Variants in VIPR1 observed in about 807,000 individuals in gnomAD.
VIPR1 encodes the protein vasoactive intestinal peptide receptor 1, also known as vasoactive intestinal polypeptide receptor 1.
VIPR1 carries 59 observed loss-of-function variants against 58.8 expected under a neutral mutation model. The observed-to-expected ratio is 1.00, with a 90% CI of 0.81 to 1.25. The LOEUF is 1.25. Among genes scored for constraint, VIPR1 ranks in the 50% most tolerant of loss-of-function variants. VIPR1 has a pLI of 0.00. For missense variants in VIPR1, 626 were observed against 602.7 expected (o/e 1.04, Z -0.40); for synonymous variants, 251 against 242.1 (o/e 1.04, Z -0.34).
At chr3:42,526,037 C>A (rs893893476) in intron 4 of VIPR1, 44 bp downstream of exon 4, 1 of 1,547,204 alleles carries the variant, frequency 6.5e-7, no homozygotes. Context: ...AGCGCCGGGG[C>A]CCACCTAGGA....
chr3:42,492,351 T>A (rs1699679776), intron 1 of VIPR1: 2 of 152,516 alleles, frequency 1.3e-5, no homozygotes, highest in Non-Finnish European at 2.9e-5. Context: ...CAGCTCCAGT[T>A]TGGTTCCCCT....
chr3:42,494,102 T>C (rs1036001893), intron 1 of VIPR1, among the ~76,000 whole-genome samples: 1 of 152,256 alleles, frequency 6.6e-6, no homozygotes, highest in Non-Finnish European at 1.5e-5. Flanking sequence ...GCAGCCGTGG[T>C]TTGTCTCCCT....
intron 2 of VIPR1, among the ~76,000 whole-genome samples, chr3:42,514,550 C>A (rs986452738): frequency 6.6e-6 from 1 of 151,400 alleles, no homozygotes; most frequent in Admixed American, 6.6e-5. Flanking sequence ...ACCACACACA[C>A]ACACACACAC....
chr3:42,531,945 G>A (rs1701579788), intron 9 of VIPR1, 76 bp downstream of exon 9: 3 of 1,538,192 alleles, frequency 2.0e-6, no homozygotes, highest in South Asian at 2.2e-5. Flanking sequence ...GGTCACATGG[G>A]AAATTAGTAT....
intron 9 of VIPR1, 90 bp from the exon 10 acceptor site, chr3:42,532,152 C>G (rs547071363): frequency 7.5e-7 from 1 of 1,328,892 alleles, no homozygotes; most frequent in East Asian, 2.3e-5. Context: ...GCAGCAGGAC[C>G]CTGGGAAAGA....
chr3:42,505,991 A>G (rs576015469), intron 1 of VIPR1, among the ~76,000 whole-genome samples: 17 of 152,286 alleles, frequency 1.1e-4, no homozygotes, highest in Admixed American at 5.2e-4. Context: ...GAAGGAGGTA[A>G]AGGTTGTGAA....
intron 1 of VIPR1, among the ~76,000 whole-genome samples, chr3:42,490,043 CA>C (rs2125621692): frequency 6.6e-6 from 1 of 152,188 alleles, no homozygotes; most frequent in South Asian, 2.1e-4. Flanking sequence ...GCTCTGCCTG[CA>C]GTCTCCACTC....
At position 42,525,572 on chromosome 3, in the gene VIPR1, C is replaced by A. The variant is rs532545601; in HGVS notation, c.293-315C>A. 7.9e-5 allele frequency among the ~76,000 whole-genome samples: 12 copies of A among 152,306 alleles called. No homozygotes were observed. In the South Asian group the frequency reaches 2.5e-3, roughly 32 times the overall value. ...GCAAGGGTCAGGAATCATTCTGTGA[C>A]AAGGATCCAGGCAGGGTCTGTGACA... On this transcript the variant is annotated intron_variant, in intron 3 of 12. Coordinates refer to ENST00000325123, the MANE Select transcript of VIPR1 (RefSeq NM_004624.4).
At chr3:42,491,363 T>C (rs1699661971) in intron 1 of VIPR1, among the ~76,000 whole-genome samples, 1 of 152,222 alleles carries the variant, frequency 6.6e-6, no homozygotes, top group Non-Finnish European at 1.5e-5. Flanking sequence ...ATAATGGTAT[T>C]GTGGTTATTT....
At chr3:42,509,799 A>C (rs1452286911) in intron 1 of VIPR1, 1 of 152,278 alleles carries the variant, frequency 6.6e-6, no homozygotes, top group East Asian at 1.9e-4. Flanking sequence ...TGGCAGGAGA[A>C]TCCTGAGTCT....
intron 11 of VIPR1, 56 bp downstream of exon 11, chr3:42,535,160 C>G: frequency 6.2e-7 from 1 of 1,612,192 alleles, no homozygotes; most frequent in Non-Finnish European, 8.5e-7. Context: ...GGAATTCAAC[C>G]TGGAGTCTTG....
chr3:42,532,766 T>G (rs2125678866), intron 10 of VIPR1: 1 of 224,734 alleles, frequency 4.4e-6, no homozygotes, highest in East Asian at 9.6e-5. Context: ...GACTCAGTAT[T>G]CCTCAGTAAT....
In VIPR1 at chr3:42,489,413, T is replaced by C. The variant is rs1267861590; in HGVS notation, c.-510T>C. 2 of 152,234 alleles carry C rather than the reference T, an allele frequency of 1.3e-5. 1 individual carries two copies. Among genetic ancestry groups the C allele is most frequent in the African/African-American group, 4.8e-5 (2 of 41,436 alleles). The allele number at this position is 152,234 out of a possible 1,614,324, so 9.4% of individuals were successfully genotyped here. On this transcript the variant is annotated 5_prime_UTR_variant, in exon 1 of 14. Transcript: ENST00000433647. ...CATGTGACCATTGGCAAGACTCCCA[T>C]TGGCCAGGCCTGGGGCAGGTGCTCA... is the stretch of plus-strand genomic sequence containing the variant.
rs765289138 is a variant in VIPR1, at chr3:42,531,531, G to T, written c.851G>T (p.Gly284Val). 2 of 1,595,562 alleles carry T rather than the reference G, an allele frequency of 1.3e-6. No individual in the cohort carries two copies. Among genetic ancestry groups the T allele is most frequent in the East Asian group, 2.3e-5 (1 of 44,094 alleles). Reference sequence around the variant, plus strand: ...GCCAGGATCCATTTTGAGGATTATGGGTGAGCTGCTGCCCCACACACTCCC... The same window carrying T: ...GCCAGGATCCATTTTGAGGATTATGTGTGAGCTGCTGCCCCACACACTCCC... ...TIARIHFEDY[G>V]CWDTINSSLW... The change falls in exon 8 of 13, where the codon GGG (glycine) becomes GTG (valine). Residue 284 changes from glycine to valine, a missense_variant and splice_region_variant. Transcript: ENST00000325123.
chr3:42,509,063 C>T (rs1008301250), intron 1 of VIPR1: 22 of 152,238 alleles, frequency 1.4e-4, no homozygotes, highest in African/African-American at 5.3e-4. Flanking sequence ...CCCCTGCCTC[C>T]ATTAACAGTT....
At position 42,535,304 on chromosome 3, in the gene VIPR1, G is replaced by A. The variant is rs753869529; in HGVS notation, c.1141-39G>A. The A allele has an allele frequency of 7.4e-6, 12 of 1,612,676 alleles. No individual in the cohort carries two copies. In the Admixed American group the frequency reaches 1.7e-4, roughly 22 times the overall value. ...GGTGGGGCAGGGCTGGGGGCTTCTG[G>A]TCTGTCTACCTCACCTCTCCTGTCA... On this transcript the variant is annotated intron_variant, in intron 11 of 12. Coordinates refer to ENST00000325123, the MANE Select transcript of VIPR1 (RefSeq NM_004624.4).
At chr3:42,513,090 G>C (rs913909542) in intron 1 of VIPR1, 1 of 481,466 alleles carries the variant, frequency 2.1e-6, no homozygotes, top group African/African-American at 2.1e-5. Context: ...GATCCTAGAG[G>C]GGCTCTCTTA....
chr3:42,519,528 A>G (rs1354515332), intron 3 of VIPR1, 198 bp downstream of exon 3: 2 of 476,964 alleles, frequency 4.2e-6, no homozygotes, highest in Non-Finnish European at 7.3e-6. Context: ...AAAGATAAGC[A>G]TGTGGGAAAG....
rs546642340 is a variant in VIPR1, at chr3:42,510,928, G to T, written c.79-2821G>T. Among the ~76,000 whole-genome samples, 10 of 152,138 alleles carry T rather than the reference G, an allele frequency of 6.6e-5. No homozygotes were observed. In the South Asian group the frequency reaches 2.1e-3, roughly 32 times the overall value. On this transcript the variant is annotated intron_variant, in intron 1 of 12. Transcript: ENST00000325123. ...AAGCAGAAGCTGCCAGAAATCCTAG[G>T]CGCCCATGGTGATTGGGAAACAAAT...
Sources: allele counts gnomAD v4.1 joint callset (sites outside exome capture counted in the v4.1 genomes callset), GRCh38; gene constraint gnomAD v4.1.1; transcripts MANE v1.5; gene names NCBI Gene and HGNC (gene_info 2026-07-23, HGNC 2026-07-21).